The following RPL13 variants were observed in gnomAD, a reference collection of about 807,000 sequenced individuals.
RPL13 encodes large ribosomal subunit protein eL13.
In RPL13, 1 loss-of-function variant was observed where a neutral mutation model predicts 21.4. That is an observed-to-expected ratio of 0.05 (90% CI 0.02 to 0.22). RPL13 has a LOEUF of 0.22. Among genes scored for constraint, RPL13 ranks in the 10% least tolerant of loss-of-function variants. The probability of loss-of-function intolerance (pLI) is 1.00; values close to 1 mark genes in which losing one functional copy is unlikely to be tolerated. For missense variants in RPL13, 289 were observed against 303.0 expected, an observed-to-expected ratio of 0.95 and a Z score of 0.34; for synonymous variants, 143 against 120.5, an observed-to-expected ratio of 1.19 and a Z score of -1.23.
At chr16:89,562,562 C>A in intron 5 of RPL13, 171 bp downstream of exon 5, 1 of 630,202 alleles carries the variant, frequency 1.6e-6, no homozygotes, top group Non-Finnish European at 2.7e-6. Flanking sequence ...TTCTTGCAAC[C>A]ATGAAGCCAT....
intron 4 of RPL13, chr16:89,562,100 G>A (rs1021378663): frequency 3.0e-5 from 18 of 593,422 alleles, no homozygotes; most frequent in African/African-American, 1.7e-4. Flanking sequence ...TCTCTGCCCC[G>A]CCCGTGGTTC....
In RPL13 at chr16:89,563,777, G is replaced by C. The variant is rs1169506514; in HGVS notation, c.*735G>C. On this transcript the variant is annotated 3_prime_UTR_variant, in exon 6 of 6. Coordinates refer to ENST00000311528, the MANE Select transcript of RPL13 (RefSeq NM_000977.4). ...AGTTTCTAGTTAATGTAGCATCTTG[G>C]ACTTTGGGGCGTCATTCTTAAGCTT... 6.6e-6 allele frequency: 1 copy of C among 152,146 alleles called. No homozygotes were observed. The highest frequency in any genetic ancestry group is 1.5e-5 in the Non-Finnish European group (1 of 68,048). The allele number at this position is 152,146 out of a possible 1,614,324, so 9.4% of individuals were successfully genotyped here.
At chr16:89,562,616 G>T in intron 5 of RPL13, 2 of 587,006 alleles carry the variant, frequency 3.4e-6, no homozygotes, top group Non-Finnish European at 5.8e-6. Flanking sequence ...TTTTGTTGTT[G>T]TTGGAAAGAG....
intron 5 of RPL13, 76 bp from the exon 6 acceptor site, chr16:89,562,808 C>G: frequency 2.8e-6 from 4 of 1,433,052 alleles, no homozygotes; most frequent in African/African-American, 1.5e-5. Flanking sequence ...GGGAGGTCCT[C>G]CAGGTTCTCC....
chr16:89,562,288 T>C (rs777129227), intron 4 of RPL13, 47 bp from the exon 5 acceptor site: 4 of 1,596,756 alleles, frequency 2.5e-6, no homozygotes, highest in Admixed American at 1.7e-5. Context: ...GTGGAGTCCT[T>C]GCAGCAGTGC....
chr16:89,566,504 A>C (rs1416765927), downstream of RPL13: 1 of 152,194 alleles, frequency 6.6e-6, no homozygotes, highest in East Asian at 1.9e-4. Context: ...TCTATTTTAA[A>C]ATTATCATGC....
At chr16:89,561,482 G>A (rs746361251) in intron 3 of RPL13, 96 bp from the exon 4 acceptor site, 1 of 1,612,166 alleles carries the variant, frequency 6.2e-7, no homozygotes, top group Non-Finnish European at 8.5e-7. Flanking sequence ...AAGCACATTT[G>A]AACCCTTTTC....
chr16:89,561,540 C>T (rs2058744717), intron 3 of RPL13, 38 bp from the exon 4 acceptor site: 3 of 1,613,134 alleles, frequency 1.9e-6, no homozygotes, highest in South Asian at 2.2e-5. Flanking sequence ...CTGGAGAAAG[C>T]CCGGGCCTGT....
rs1445303502 is a variant in RPL13, at chr16:89,564,102, C to T, written c.*1060C>T. The T allele has an allele frequency of 6.6e-6, 1 of 152,312 alleles. No homozygotes were observed. Among genetic ancestry groups the T allele is most frequent in the Non-Finnish European group, 1.5e-5 (1 of 68,126 alleles). 9.4% of individuals were successfully genotyped at this position (152,312 alleles called of 1,614,324 possible). The stretch of plus-strand genomic sequence containing the variant: ...CCAGCTCACAGCAGCACCTGCTCTC[C>T]TTGGCAGCTATGGCCATGACAACCC... On this transcript the variant is annotated 3_prime_UTR_variant, in exon 6 of 6. Coordinates refer to ENST00000311528, the MANE Select transcript of RPL13 (RefSeq NM_000977.4).
intron 5 of RPL13, 25 bp from the exon 6 acceptor site, chr16:89,562,859 T>G: frequency 6.6e-7 from 1 of 1,512,442 alleles, no homozygotes. Context: ...GCATGTGGGT[T>G]TAACAACCTG....
In RPL13 at chr16:89,561,019, G is replaced by T; in HGVS notation, c.60G>T (p.Arg20=). The part of the protein sequence containing the change: ...LKPHFHKDWQ[R]RVATWFNQPA... Reference sequence around the variant, plus strand: ...CCCACTTCCACAAGGACTGGCAGCGGCGCGTGGCCACGTGGTTCAACCAGC... The same window carrying T: ...CCCACTTCCACAAGGACTGGCAGCGTCGCGTGGCCACGTGGTTCAACCAGC... The change falls in exon 2 of 6, where the codon CGG becomes CGT. Residue 20 remains arginine (R), a synonymous_variant. Transcript: ENST00000311528. The T allele has an allele frequency of 1.9e-6, 3 of 1,606,970 alleles. No individual in the cohort carries two copies. The highest frequency in any genetic ancestry group is 2.5e-6 in the Non-Finnish European group (3 of 1,178,190).
intron 1 of RPL13, 80 bp from the exon 2 acceptor site, chr16:89,560,860 C>G: frequency 9.6e-7 from 1 of 1,046,608 alleles, no homozygotes; most frequent in Non-Finnish European, 1.4e-6. Flanking sequence ...ACGGCCCAGT[C>G]TGGAGGGTTC....
At chr16:89,565,835 C>G (rs2058785076), downstream of RPL13, 1 of 152,276 alleles carries the variant, frequency 6.6e-6, no homozygotes. Context: ...CCCACCGCAC[C>G]TCAGGCAAAG....
In RPL13 at chr16:89,562,344, C is replaced by G. The variant is rs964068280; in HGVS notation, c.430C>G (p.Leu144Val). ...PKKGDSSAEE[L>V]KLATQLTGPV... Reference sequence around the variant, plus strand: ...TCTCATTCACCAACAGGCTGAAGAACTGAAACTGGCCACCCAGCTGACCGG... The same window carrying G: ...TCTCATTCACCAACAGGCTGAAGAAGTGAAACTGGCCACCCAGCTGACCGG... Residue 144 changes from leucine (L) to valine (V), a missense_variant, in exon 5 of 6, where the codon CTG (leucine) becomes GTG (valine). Transcript: ENST00000311528. 1.1e-5 allele frequency: 17 copies of G among 1,613,188 alleles called. No individual in the cohort carries two copies. In the Admixed American group the frequency reaches 1.3e-4, roughly 13 times the overall value.
In RPL13 at chr16:89,561,224, C is replaced by A; in HGVS notation, c.105-3C>A. The A allele has an allele frequency of 6.5e-7, 1 of 1,543,372 alleles. No individual in the cohort carries two copies. The highest frequency in any genetic ancestry group is 8.7e-7 in the Non-Finnish European group (1 of 1,149,304). ...TGACCGCCGCTGCGCTTCTCTCCAC[C>A]AGACGTAAGGCCCGGCAAGCCAAGG... On this transcript the variant is annotated splice_region_variant and splice_polypyrimidine_tract_variant and intron_variant, in intron 2 of 5. Coordinates refer to ENST00000311528, the MANE Select transcript of RPL13 (RefSeq NM_000977.4).
At chr16:89,561,478 A>C (rs569976983) in intron 3 of RPL13, 100 bp from the exon 4 acceptor site, 19 of 1,612,208 alleles carry the variant, frequency 1.2e-5, no homozygotes, top group Non-Finnish European at 1.6e-5. Flanking sequence ...ATGAAAGCAC[A>C]TTTGAACCCT....
chr16:89,561,431 G>C (rs776328297), intron 3 of RPL13, 63 bp downstream of exon 3: 2 of 1,612,582 alleles, frequency 1.2e-6, no homozygotes, highest in East Asian at 2.2e-5. Flanking sequence ...GGCCTCAGTC[G>C]CGTGATGACA....
At position 89,562,797 on chromosome 16, in the gene RPL13, CG is replaced by C. The variant is rs2058755539; in HGVS notation, c.478-84del. 2.2e-6 allele frequency: 3 copies of C among 1,387,386 alleles called. No homozygotes were observed. The African/African-American group carries it at 4.5e-5, about 21-fold the overall frequency. 85.9% of individuals were successfully genotyped at this position (1,387,386 alleles called of 1,614,324 possible). On this transcript the variant is annotated intron_variant, in intron 5 of 5. Coordinates refer to ENST00000311528, the MANE Select transcript of RPL13 (RefSeq NM_000977.4). ...GGCAGCGAACCTGACCCCCAATCCC[CG>C]GGAGGTCCTCCAGGTTCTCCTGACG...
In RPL13 at chr16:89,563,903, G is replaced by C. The variant is rs12709089; in HGVS notation, c.*861G>C. On this transcript the variant is annotated 3_prime_UTR_variant, in exon 6 of 6. Coordinates refer to ENST00000311528, the MANE Select transcript of RPL13 (RefSeq NM_000977.4). Reference sequence around the variant, plus strand: ...GTATGAGATGGCCCTGCCAAGTGTCGGCCTCTCCTGTTAAACAAAAACATT... The same window carrying C: ...GTATGAGATGGCCCTGCCAAGTGTCCGCCTCTCCTGTTAAACAAAAACATT... The C allele has an allele frequency of 6.6e-6, 1 of 152,004 alleles. No individual in the cohort carries two copies. The highest frequency in any genetic ancestry group is 1.5e-5 in the Non-Finnish European group (1 of 68,026). 9.4% of individuals were successfully genotyped at this position (152,004 alleles called of 1,614,324 possible). A position where few individuals can be genotyped will look rare whatever the true frequency, so the allele number is the denominator to read the frequency against.
Sources: gnomAD v4.1 joint callset for allele counts on GRCh38, gnomAD v4.1.1 for gene constraint, MANE v1.5 for transcripts, NCBI Gene and HGNC (gene_info 2026-07-23, HGNC 2026-07-21) for gene names.